The following SMARCC1 variants were observed in gnomAD, a reference collection of about 807,000 sequenced individuals.
SMARCC1 encodes SWI/SNF complex subunit SMARCC1.
A neutral mutation model predicts 147.4 loss-of-function variants in SMARCC1; 43 were observed. The observed-to-expected ratio is 0.29, with a 90% CI of 0.23 to 0.38. SMARCC1 has a LOEUF of 0.38. SMARCC1 is among the 10% of genes least tolerant of loss of function. The pLI is 1.00. For synonymous variants in SMARCC1, 495 were observed against 484.4 expected, an observed-to-expected ratio of 1.02 and a Z score of -0.29; for missense variants, 1,119 against 1,381.1, an observed-to-expected ratio of 0.81 and a Z score of 3.01.
intron 14 of SMARCC1, among the ~76,000 whole-genome samples, chr3:47,684,872 T>A (rs930725630): frequency 5.3e-5 from 8 of 152,102 alleles, no homozygotes; most frequent in African/African-American, 1.9e-4. Context: ...AACACACACA[T>A]ACCTATGACA....
chr3:47,671,266 T>C (rs1258218990), intron 18 of SMARCC1, among the ~76,000 whole-genome samples: 2 of 150,200 alleles, frequency 1.3e-5, no homozygotes, highest in African/African-American at 4.9e-5. Flanking sequence ...TATTTGGATA[T>C]GTTATTTCTA....
At chr3:47,638,042 C>A (rs2032994454) in intron 22 of SMARCC1, among the ~76,000 whole-genome samples, 1 of 152,204 alleles carries the variant, frequency 6.6e-6, no homozygotes, top group Non-Finnish European at 1.5e-5. Flanking sequence ...TCTCTCCTGG[C>A]ACAAGAATAG....
intron 3 of SMARCC1, among the ~76,000 whole-genome samples, chr3:47,739,013 C>A (rs2034477324): frequency 6.6e-6 from 1 of 152,248 alleles, no homozygotes; most frequent in Non-Finnish European, 1.5e-5. Flanking sequence ...AAGCATGTCA[C>A]CTCCATTTGG....
chr3:47,619,419 A>C (rs2032694629), intron 25 of SMARCC1, among the ~76,000 whole-genome samples: 1 of 152,202 alleles, frequency 6.6e-6, no homozygotes, highest in South Asian at 2.1e-4. Context: ...GAACCCATGA[A>C]CTGGTGATTA....
intron 2 of SMARCC1, among the ~76,000 whole-genome samples, chr3:47,753,903 CAA>C (rs145311419): frequency 2.2e-3 from 328 of 152,154 alleles, no homozygotes; most frequent in African/African-American, 7.6e-3. Flanking sequence ...CAAGAAATCA[CAA>C]AGTCATCCTC....
intron 5 of SMARCC1, among the ~76,000 whole-genome samples, chr3:47,732,211 G>A (rs1020333189): frequency 6.6e-6 from 1 of 152,148 alleles, no homozygotes; most frequent in Non-Finnish European, 1.5e-5. Flanking sequence ...GGCTTCAAAC[G>A]TTCCTTCTGC....
intron 21 of SMARCC1, among the ~76,000 whole-genome samples, chr3:47,656,054 T>C (rs1255385383): frequency 1.3e-5 from 2 of 151,904 alleles, no homozygotes; most frequent in East Asian, 3.9e-4. Flanking sequence ...CTACTAAAAA[T>C]GCAAAAATTA....
At chr3:47,678,634 C>T (rs2033601232) in intron 15 of SMARCC1, among the ~76,000 whole-genome samples, 1 of 152,208 alleles carries the variant, frequency 6.6e-6, no homozygotes, top group Non-Finnish European at 1.5e-5. Flanking sequence ...ATCTGCCTCA[C>T]TACCACATAT....
intron 6 of SMARCC1, among the ~76,000 whole-genome samples, chr3:47,727,647 C>T (rs1332578580): frequency 6.6e-6 from 1 of 151,116 alleles, no homozygotes; most frequent in East Asian, 1.9e-4. Context: ...CAGAGTTTTG[C>T]TCTTCTTGCC....
chr3:47,682,189 G>T (rs996050679), intron 14 of SMARCC1, among the ~76,000 whole-genome samples: 2 of 151,660 alleles, frequency 1.3e-5, no homozygotes, highest in Non-Finnish European at 2.9e-5. Flanking sequence ...CAGCTACTCG[G>T]GAGGCTGAGA....
intron 1 of SMARCC1, among the ~76,000 whole-genome samples, chr3:47,780,876 T>C (rs1194563162): frequency 6.6e-6 from 1 of 151,818 alleles, no homozygotes; most frequent in Non-Finnish European, 1.5e-5. Flanking sequence ...AGTCAAAACT[T>C]TGAAAACTAC....
intron 25 of SMARCC1, among the ~76,000 whole-genome samples, chr3:47,621,988 GATTTAGATA>G (rs1559627567): frequency 6.6e-6 from 1 of 152,132 alleles, no homozygotes; most frequent in Non-Finnish European, 1.5e-5. Context: ...AAGAAGCTGA[GATTTAGATA>G]ATTCACTTTA....
chr3:47,629,297 C>G (rs527298433), intron 24 of SMARCC1, among the ~76,000 whole-genome samples: 1 of 152,054 alleles, frequency 6.6e-6, no homozygotes, highest in Non-Finnish European at 1.5e-5. Context: ...GTATGTGGAC[C>G]TGATTTACAT....
chr3:47,633,595 T>A (rs1265895724), intron 24 of SMARCC1, among the ~76,000 whole-genome samples: 1 of 151,136 alleles, frequency 6.6e-6, no homozygotes, highest in Non-Finnish European at 1.5e-5. Context: ...AATACAAAAG[T>A]TAGCCGGGTA....
At chr3:47,641,074 C>T (rs1299721087) in intron 21 of SMARCC1, among the ~76,000 whole-genome samples, 3 of 152,194 alleles carry the variant, frequency 2.0e-5, no homozygotes, top group African/African-American at 7.2e-5. Context: ...AAATAACATT[C>T]TTTGCTGAAA....
chr3:47,615,652 C>A (rs188506199), intron 25 of SMARCC1, among the ~76,000 whole-genome samples: 2 of 152,248 alleles, frequency 1.3e-5, no homozygotes, highest in East Asian at 1.9e-4. Flanking sequence ...AATAGTCCCT[C>A]TTTTCTGAAG....
chr3:47,708,616 C>A (rs1328184415), intron 9 of SMARCC1, among the ~76,000 whole-genome samples: 4 of 151,638 alleles, frequency 2.6e-5, no homozygotes, highest in Admixed American at 2.6e-4. Flanking sequence ...TCAGGGAAAG[C>A]AAATATGTAA....
chr3:47,633,813 CACACAT>C (rs1405894218), intron 24 of SMARCC1, among the ~76,000 whole-genome samples: 6 of 131,616 alleles, frequency 4.6e-5, no homozygotes, highest in African/African-American at 1.4e-4. Context: ...CACACACACA[CACACAT>C]ATATATAAAA....
At chr3:47,715,555 A>G (rs1011025424) in intron 7 of SMARCC1, among the ~76,000 whole-genome samples, 2 of 152,194 alleles carry the variant, frequency 1.3e-5, no homozygotes, top group African/African-American at 4.8e-5. Flanking sequence ...TGCTTCTGCC[A>G]TTGGTCTCTT....
Sources: allele counts gnomAD v4.1 joint callset (sites outside exome capture counted in the v4.1 genomes callset), GRCh38; gene constraint gnomAD v4.1.1; transcripts MANE v1.5; gene names NCBI Gene and HGNC (gene_info 2026-07-23, HGNC 2026-07-21).